The following ST6GALNAC3 variants were observed in gnomAD, a reference collection of about 807,000 sequenced individuals.
The protein encoded by ST6GALNAC3 is alpha-N-acetylgalactosaminide alpha-2,6-sialyltransferase 3.
ST6GALNAC3 carries 25 observed loss-of-function variants against 32.7 expected under a neutral mutation model. The ratio of observed to expected loss-of-function variants is 0.76; its 90% CI spans 0.56 to 1.07. The LOEUF (loss-of-function observed/expected upper bound fraction) is 1.07. Among genes scored for constraint, ST6GALNAC3 ranks in the 50% least tolerant of loss-of-function variants. ST6GALNAC3 has a pLI of 0.00. For missense variants in ST6GALNAC3, 355 were observed against 382.4 expected, an observed-to-expected ratio of 0.93 and a Z score of 0.60; for synonymous variants, 129 against 133.1, an observed-to-expected ratio of 0.97 and a Z score of 0.21.
At chr1:76,351,478 A>T (rs965851673) in intron 2 of ST6GALNAC3, among the ~76,000 whole-genome samples, 9 of 152,006 alleles carry the variant, frequency 5.9e-5, no homozygotes, top group African/African-American at 1.7e-4. Context: ...GAGATCTGTG[A>T]TATACTTTAA....
At chr1:76,115,603 T>C (rs930715811) in intron 1 of ST6GALNAC3, among the ~76,000 whole-genome samples, 3 of 152,258 alleles carry the variant, frequency 2.0e-5, no homozygotes, top group African/African-American at 7.2e-5. Flanking sequence ...TAGAAAGACA[T>C]TGGGGATGGG....
intron 2 of ST6GALNAC3, among the ~76,000 whole-genome samples, chr1:76,355,643 A>G (rs886385767): frequency 1.3e-5 from 2 of 152,238 alleles, no homozygotes; most frequent in African/African-American, 4.8e-5. Context: ...TTAGGTATCT[A>G]TCACCGATAG....
chr1:76,086,718 A>T (rs1646969668), intron 1 of ST6GALNAC3, among the ~76,000 whole-genome samples: 2 of 152,174 alleles, frequency 1.3e-5, no homozygotes, highest in African/African-American at 2.4e-5. Context: ...GAGTCCCGGG[A>T]TATAAGCCAT....
chr1:76,371,300 G>A (rs192651440), intron 2 of ST6GALNAC3, among the ~76,000 whole-genome samples: 30 of 152,202 alleles, frequency 2.0e-4, no homozygotes, highest in African/African-American at 7.0e-4. Context: ...TATATAGGGG[G>A]CAAAGTTGTT....
chr1:76,213,516 G>A (rs1391125711), intron 1 of ST6GALNAC3, among the ~76,000 whole-genome samples: 5 of 152,126 alleles, frequency 3.3e-5, no homozygotes, highest in African/African-American at 1.2e-4. Context: ...TCATTATGCT[G>A]AAAAATATTT....
At chr1:76,442,873 C>G (rs1409965454) in intron 3 of ST6GALNAC3, among the ~76,000 whole-genome samples, 1 of 152,220 alleles carries the variant, frequency 6.6e-6, no homozygotes, top group African/African-American at 2.4e-5. Context: ...CTCCATCAGA[C>G]TCCTGCTGGA....
At chr1:76,312,682 T>G (rs1443987843) in intron 1 of ST6GALNAC3, among the ~76,000 whole-genome samples, 1 of 152,138 alleles carries the variant, frequency 6.6e-6, no homozygotes. Flanking sequence ...ACTGTCCCCT[T>G]TAACAAAACA....
At chr1:76,563,310 T>C (rs1665355790) in intron 3 of ST6GALNAC3, among the ~76,000 whole-genome samples, 5 of 152,350 alleles carry the variant, frequency 3.3e-5, no homozygotes, top group Admixed American at 3.3e-4. Flanking sequence ...TTGTATCTAT[T>C]GTGAAATCTG....
Position 76,516,293 on chromosome 1 carries a change from C to G in ST6GALNAC3, c.623+103876C>G, listed in dbSNP as rs139986637. Among the ~76,000 whole-genome samples, 85 of 152,224 alleles carry G rather than the reference C, an allele frequency of 5.6e-4. 1 individual carries two copies. In the East Asian group the frequency reaches 0.015, roughly 26 times the overall value. ...TGGAGATTATAGATATACATACATA[C>G]ATGTATGTGTGTATACATATATTAT... On this transcript the variant is annotated intron_variant, in intron 3 of 4. Transcript: ENST00000328299.
At chr1:76,339,697 C>T (rs1385141841) in intron 2 of ST6GALNAC3, among the ~76,000 whole-genome samples, 2 of 152,044 alleles carry the variant, frequency 1.3e-5, no homozygotes, top group Non-Finnish European at 2.9e-5. Context: ...TACTATGTGT[C>T]CACCATTCTA....
At chr1:76,175,736 T>C (rs1652808814) in intron 1 of ST6GALNAC3, among the ~76,000 whole-genome samples, 1 of 152,204 alleles carries the variant, frequency 6.6e-6, no homozygotes. Flanking sequence ...GTTCTTTCTC[T>C]CTAAGCTGCA....
At chr1:76,247,434 C>A (rs1253905320) in intron 1 of ST6GALNAC3, among the ~76,000 whole-genome samples, 1 of 152,196 alleles carries the variant, frequency 6.6e-6, no homozygotes, top group Admixed American at 6.5e-5. Context: ...AGCCACCCCT[C>A]CCCCTAAGTG....
intron 3 of ST6GALNAC3, among the ~76,000 whole-genome samples, chr1:76,504,316 T>C (rs1372610609): frequency 6.6e-6 from 1 of 152,156 alleles, no homozygotes; most frequent in Non-Finnish European, 1.5e-5. Context: ...TTATAAGAAC[T>C]TGTGATTGGA....
chr1:76,354,173 A>T (rs761503937), intron 2 of ST6GALNAC3: 1 of 152,146 alleles, frequency 6.6e-6, no homozygotes, highest in Non-Finnish European at 1.5e-5. Flanking sequence ...TGCTGCTATG[A>T]TTCTATCATA....
At chr1:76,444,183 C>T (rs184298017) in intron 3 of ST6GALNAC3, among the ~76,000 whole-genome samples, 11 of 152,292 alleles carry the variant, frequency 7.2e-5, no homozygotes, top group South Asian at 4.1e-4. Context: ...GCATGGCAGG[C>T]GGTCTTCCAC....
intron 1 of ST6GALNAC3, among the ~76,000 whole-genome samples, chr1:76,101,954 C>G (rs1647241910): frequency 6.6e-6 from 1 of 152,110 alleles, no homozygotes; most frequent in South Asian, 2.1e-4. Context: ...AGTATATCCT[C>G]TATTTGTTGA....
chr1:76,486,712 T>C lies in ST6GALNAC3; in HGVS notation c.623+74295T>C, dbSNP rs531386094. On this transcript the variant is annotated intron_variant, in intron 3 of 4. Transcript: ENST00000328299. The stretch of plus-strand genomic sequence containing the variant: ...AGTCTGTGTCTTTTAATTGGGGCAT[T>C]TAGCCCATTTACATTTAAGGTTAAT... 5.3e-5 allele frequency among the ~76,000 whole-genome samples: 8 copies of C among 152,318 alleles called. No individual in the cohort carries two copies. In the South Asian group the frequency reaches 1.5e-3, roughly 28 times the overall value.
At chr1:76,554,554 G>A (rs921168910) in intron 3 of ST6GALNAC3, among the ~76,000 whole-genome samples, 4 of 152,100 alleles carry the variant, frequency 2.6e-5, no homozygotes, top group African/African-American at 9.7e-5. Flanking sequence ...GGTTTACTTG[G>A]TTAATAAAAC....
rs566401733 is a variant in ST6GALNAC3, at chr1:76,298,551, G to A, written c.19-15254G>A. 1.3e-3 allele frequency among the ~76,000 whole-genome samples: 198 copies of A among 152,114 alleles called. 1 individual carries two copies. Among genetic ancestry groups the A allele is most frequent in the Non-Finnish European group, 2.0e-3 (139 of 67,956 alleles). ...GAACACCTGCAGTTTTTCCCTGAAC[G>A]TCAGCATAAATATTTGACATGTCTT... On this transcript the variant is annotated intron_variant, in intron 1 of 4. Transcript: ENST00000328299.
Sources: gnomAD v4.1 joint callset for allele counts (sites outside exome capture counted in the v4.1 genomes callset) on GRCh38, gnomAD v4.1.1 for gene constraint, MANE v1.5 for transcripts, NCBI Gene and HGNC (gene_info 2026-07-23, HGNC 2026-07-21) for gene names.